Variants in UBN1 observed in about 807,000 individuals in gnomAD.
UBN1 encodes ubinuclein 1, also known as ubinuclein-1.
UBN1 carries 17 observed loss-of-function variants against 108.5 expected under a neutral mutation model. That is an observed-to-expected ratio of 0.16 (90% CI 0.11 to 0.24). The LOEUF (loss-of-function observed/expected upper bound fraction) is 0.24, where lower values mean the gene tolerates loss of function less well. UBN1 is among the 10% of genes least tolerant of loss of function. The pLI, the probability that UBN1 is intolerant of heterozygous loss-of-function variation, is 1.00. For missense variants in UBN1, 1,595 were observed against 1,394.4 expected (o/e 1.14, Z -2.29); for synonymous variants, 726 against 564.2 (o/e 1.29, Z -4.07).
chr16:4,869,939 T>C (rs1040455558), intron 8 of UBN1, among the ~76,000 whole-genome samples: 3 of 152,212 alleles, frequency 2.0e-5, no homozygotes, highest in Admixed American at 2.0e-4. Flanking sequence ...AATTTAGTGC[T>C]TCAGAGCTTG....
chr16:4,859,976 G>A lies in UBN1; in HGVS notation c.671+8G>A, dbSNP rs200217317. 8.1e-4 allele frequency: 1,303 copies of A among 1,613,934 alleles called. 17 individuals carry two copies. The highest frequency in any genetic ancestry group is 2.3e-4 in the African/African-American group (17 of 74,924). On this transcript the variant is annotated splice_region_variant and intron_variant, in intron 6 of 17. Coordinates refer to ENST00000262376, the MANE Select transcript of UBN1 (RefSeq NM_001079514.3). Reference sequence around the variant, plus strand: ...CAAGTTTTCCAAAGCCGGGTGAGAGGCAGCAGCTTCTTTGCTAGGATAAAG... The same window carrying A: ...CAAGTTTTCCAAAGCCGGGTGAGAGACAGCAGCTTCTTTGCTAGGATAAAG...
rs1415064632 is a variant in UBN1 at position 4,848,117 on chromosome 16, A to G, written c.-133A>G. 6.6e-6 allele frequency: 1 copy of G among 151,974 alleles called. No homozygotes were observed. The highest frequency in any genetic ancestry group is 6.6e-5 in the Admixed American group (1 of 15,264). 9.4% of individuals were successfully genotyped at this position (151,974 alleles called of 1,614,324 possible). A position where few individuals can be genotyped will look rare whatever the true frequency, so the allele number is the denominator to read the frequency against. ...GCCCGCCCGCTGGGAGCCACGGCTT[A>G]GCAGCCGACCGCTAGCTGCGCCGCC... On this transcript the variant is annotated 5_prime_UTR_variant, in exon 1 of 18. Transcript: ENST00000262376.
chr16:4,872,477 T>TGGGGGGGGGGGGGGGGGGGGGGGGGGGGG (rs201575969), intron 12 of UBN1: 1 of 29,436 alleles, frequency 3.4e-5, no homozygotes, highest in African/African-American at 1.4e-4. Flanking sequence ...GTGGGCATGG[T>TGGGGGGGGGGGGGGGGGGGGGGGGGGGGG]GGGGGGGCGG....
intron 2 of UBN1, among the ~76,000 whole-genome samples, chr16:4,855,514 G>A (rs1463839994): frequency 1.3e-5 from 2 of 150,366 alleles, no homozygotes; most frequent in Non-Finnish European, 2.9e-5. Context: ...TACTCAGAAA[G>A]CTGAGGTGGG....
intron 1 of UBN1, among the ~76,000 whole-genome samples, chr16:4,850,693 G>C (rs563700152): frequency 3.2e-4 from 48 of 152,256 alleles, no homozygotes; most frequent in Non-Finnish European, 6.0e-4. Flanking sequence ...TAGATATTTT[G>C]TTCCCTTATG....
chr16:4,864,874 AC>A (rs1413066510), intron 7 of UBN1, among the ~76,000 whole-genome samples: 1 of 151,792 alleles, frequency 6.6e-6, no homozygotes, highest in Non-Finnish European at 1.5e-5. Flanking sequence ...GGGAAAAAAA[AC>A]GAAAACAACT....
Position 4,860,725 on chromosome 16 carries a change from G to C in UBN1, c.733G>C (p.Val245Leu). The change falls in exon 7 of 18, where the codon GTT becomes CTT. Residue 245 changes from valine (V) to leucine (L), a missense_variant. By Grantham distance (32) the Val-to-Leu change is conservative. Around this residue, in one of 3 missense-constraint regions of UBN1, gnomAD observed 1,398 missense variants for 1,194.7 expected, o/e 1.17. Coordinates refer to ENST00000262376, the MANE Select transcript of UBN1 (RefSeq NM_001079514.3). ...KKKKYSGALS[V>L]KEMLKKFQKE... ...GAAGAAATATTCTGGGGCTTTAAGC[G>C]TTAAAGAGATGCTAAAGAAATTTCA... 6.2e-7 allele frequency: 1 copy of C among 1,614,210 alleles called. No individual in the cohort carries two copies. The highest frequency in any genetic ancestry group is 8.5e-7 in the Non-Finnish European group (1 of 1,180,046).
chr16:4,868,775 G>A (rs938795257), intron 7 of UBN1, 58 bp from the exon 8 acceptor site: 5 of 1,568,348 alleles, frequency 3.2e-6, no homozygotes, highest in Non-Finnish European at 4.4e-6. Flanking sequence ...CTGTGGGTGA[G>A]CGTAAGGGAC....
At chr16:4,865,441 GA>G (rs1050972034) in intron 7 of UBN1, among the ~76,000 whole-genome samples, 166 of 152,244 alleles carry the variant, frequency 1.1e-3, no homozygotes, top group African/African-American at 3.8e-3. Context: ...AGTACTTTGG[GA>G]GGCCGAGGTG....
Position 4,853,100 on chromosome 16 carries a change from GTTC to G in UBN1, c.188_190del (p.Phe63del). ...AACCAGATCACAAACGCTGCCCAGAGTTCTTCTACCCAGAGCTGGTGAAGAATA... is the reference window on the plus strand; with the variant it reads ...AACCAGATCACAAACGCTGCCCAGAGTTCTACCCAGAGCTGGTGAAGAATA... On this transcript the variant is annotated inframe_deletion, in exon 2 of 18. Transcript: ENST00000262376. The G allele has an allele frequency of 1.2e-6, 2 of 1,614,236 alleles. No homozygotes were observed. The highest frequency in any genetic ancestry group is 8.5e-7 in the Non-Finnish European group (1 of 1,180,050).
chr16:4,853,080 G>A lies in UBN1; in HGVS notation c.163G>A (p.Asp55Asn). Residue 55 changes from aspartate (D) to asparagine (N), a missense_variant, in exon 2 of 18, where the codon GAT (aspartate) becomes AAT (asparagine). This residue lies in a region of UBN1 where 181 missense variants were observed against 157.3 expected (regional missense o/e 1.15). Coordinates refer to ENST00000262376, the MANE Select transcript of UBN1 (RefSeq NM_001079514.3). ...GATTACACTCACCCTCTTTGAACCA[G>A]ATCACAAACGCTGCCCAGAGTTCTT... ...VRITLTLFEP[D>N]HKRCPEFFYP... 1 of 1,614,216 alleles carries A rather than the reference G, an allele frequency of 6.2e-7. No homozygotes were observed. The highest frequency in any genetic ancestry group is 2.2e-5 in the East Asian group (1 of 44,876).
chr16:4,872,104 G>A (rs1286629643), intron 12 of UBN1: 1 of 776,878 alleles, frequency 1.3e-6, no homozygotes, highest in Non-Finnish European at 1.6e-6. Flanking sequence ...AAAGTTAGCT[G>A]GAGTGATTTT....
rs964871454 is a variant in UBN1, at chr16:4,847,616, C to T, written c.-634C>T. On this transcript the variant is annotated 5_prime_UTR_variant, in exon 1 of 18. Transcript: ENST00000262376. The stretch of plus-strand genomic sequence containing the variant: ...TCGCCCCGCCCCCGGGTCTTGGACT[C>T]CGCGCCCCTCCCCTCTCGGCGCTTC... 6.6e-6 allele frequency: 2 copies of T among 301,358 alleles called. No individual in the cohort carries two copies. Among genetic ancestry groups the T allele is most frequent in the Non-Finnish European group, 6.1e-6 (1 of 162,808 alleles). 18.7% of individuals were successfully genotyped at this position (301,358 alleles called of 1,614,324 possible).
At chr16:4,860,016 G>T (rs776677616) in intron 6 of UBN1, 48 bp downstream of exon 6, 53 of 1,608,018 alleles carry the variant, frequency 3.3e-5, no homozygotes, top group Non-Finnish European at 4.4e-5. Flanking sequence ...AACTGTTAGG[G>T]CAGGACGACT....
rs1284149730 is a variant in UBN1, at chr16:4,847,560, G to A, written c.-690G>A. 1.2e-5 allele frequency: 5 copies of A among 422,776 alleles called. No individual in the cohort carries two copies. Among genetic ancestry groups the A allele is most frequent in the African/African-American group, 8.5e-5 (4 of 46,858 alleles). The allele number at this position is 422,776 out of a possible 1,614,324, so 26.2% of individuals were successfully genotyped here. A position where few individuals can be genotyped will look rare whatever the true frequency, so the allele number is the denominator to read the frequency against. ...GGCGGCGGCGGCGACGGTGCGACCG[G>A]CTGAGCGCGAGAGGGAGCCGGCCTC... On this transcript the variant is annotated 5_prime_UTR_variant, in exon 1 of 18. Transcript: ENST00000262376.
chr16:4,849,961 A>AAAAAAAAAAC, intron 1 of UBN1, among the ~76,000 whole-genome samples: 1 of 150,358 alleles, frequency 6.7e-6, no homozygotes, highest in Non-Finnish European at 1.5e-5. Flanking sequence ...AAAAAAAAAA[A>AAAAAAAAAAC]AAAAACCACA....
chr16:4,868,964 A>G (rs2087472627), intron 8 of UBN1, 61 bp downstream of exon 8: 24 of 1,589,600 alleles, frequency 1.5e-5, no homozygotes, highest in South Asian at 4.5e-5. Flanking sequence ...GCTTGGGGCA[A>G]GCCAGCTAGG....
chr16:4,860,043 C>T, intron 6 of UBN1, 75 bp downstream of exon 6: 1 of 1,580,658 alleles, frequency 6.3e-7, no homozygotes, highest in Admixed American at 1.8e-5. Flanking sequence ...TGACTCACCT[C>T]CTCCCCACAG....
intron 2 of UBN1, among the ~76,000 whole-genome samples, chr16:4,854,304 A>T (rs1367220575): frequency 6.6e-6 from 1 of 151,282 alleles, no homozygotes; most frequent in Non-Finnish European, 1.5e-5. Context: ...AAGTGCTGGG[A>T]TTACAGGCAT....
Sources: gnomAD v4.1 joint callset for allele counts (sites outside exome capture counted in the v4.1 genomes callset) on GRCh38, gnomAD v4.1.1 for gene constraint, gnomAD v4.1.1 regional missense constraint, MANE v1.5 for transcripts, NCBI Gene and HGNC (gene_info 2026-07-23, HGNC 2026-07-21) for gene names.